ST6GALNAC3: variants seen among roughly 807,000 people sequenced by gnomAD.
ST6GALNAC3 encodes the protein alpha-N-acetylgalactosaminide alpha-2,6-sialyltransferase 3.
Under a neutral mutation model 32.7 loss-of-function variants are expected in ST6GALNAC3, and 25 were observed. The observed-to-expected ratio is 0.76, with a 90% CI of 0.56 to 1.07. The LOEUF (loss-of-function observed/expected upper bound fraction) is 1.07. ST6GALNAC3 is among the 50% of genes least tolerant of loss of function. ST6GALNAC3 has a pLI of 0.00. For synonymous variants in ST6GALNAC3, 129 were observed against 133.1 expected (o/e 0.97, Z 0.21); for missense variants, 355 against 382.4 (o/e 0.93, Z 0.60).
intron 2 of ST6GALNAC3, among the ~76,000 whole-genome samples, chr1:76,395,039 C>CT (rs1652843057): frequency 6.6e-6 from 1 of 152,144 alleles, no homozygotes. Context: ...TTAAAGTCCT[C>CT]TTTTTTCATC....
At chr1:76,439,001 G>A (rs568343013) in intron 3 of ST6GALNAC3, among the ~76,000 whole-genome samples, 5 of 152,180 alleles carry the variant, frequency 3.3e-5, no homozygotes, top group Non-Finnish European at 7.3e-5. Context: ...TTGGAAGTGA[G>A]AAAAGTGATG....
intron 3 of ST6GALNAC3, among the ~76,000 whole-genome samples, chr1:76,596,455 T>C (rs984204834): frequency 4.6e-5 from 7 of 152,192 alleles, no homozygotes; most frequent in African/African-American, 1.7e-4. Context: ...AAAAAAGATA[T>C]AAAGTGTAGT....
At chr1:76,359,160 C>T (rs1396031539) in intron 2 of ST6GALNAC3, among the ~76,000 whole-genome samples, 1 of 152,064 alleles carries the variant, frequency 6.6e-6, no homozygotes, top group Non-Finnish European at 1.5e-5. Context: ...TGGATATTAT[C>T]CTGAAGACAG....
At chr1:76,202,203 G>A (rs72675909) in intron 1 of ST6GALNAC3, among the ~76,000 whole-genome samples, 12,712 of 151,694 alleles carry the variant, frequency 0.084, 585 homozygotes, top group African/African-American at 0.12. Flanking sequence ...GGAGAGCAGA[G>A]GAAAGCATTG....
rs1461013650 is a variant in ST6GALNAC3, at chr1:76,634,036, T to A, written c.*5230T>A. 2.3e-6 allele frequency: 1 copy of A among 444,072 alleles called. No homozygotes were observed. Among genetic ancestry groups the A allele is most frequent in the Non-Finnish European group, 3.0e-6 (1 of 335,690 alleles). 27.5% of individuals were successfully genotyped at this position (444,072 alleles called of 1,614,324 possible). A position where few individuals can be genotyped will look rare whatever the true frequency, so the allele number is the denominator to read the frequency against. On this transcript the variant is annotated 3_prime_UTR_variant, in exon 5 of 5. Coordinates refer to ENST00000328299, the MANE Select transcript of ST6GALNAC3 (RefSeq NM_152996.4). Reference sequence around the variant, plus strand: ...AACAGTGCAGAAAATCTCATTTAGTTTTTTTCTTTTTTTTTTTCAGTTAAC... The same window carrying A: ...AACAGTGCAGAAAATCTCATTTAGTATTTTTCTTTTTTTTTTTCAGTTAAC...
intron 3 of ST6GALNAC3, among the ~76,000 whole-genome samples, chr1:76,546,950 G>A (rs775582197): frequency 2.6e-5 from 4 of 152,160 alleles, no homozygotes; most frequent in Admixed American, 6.6e-5. Context: ...GGAAGGATGC[G>A]GATGAAAGAT....
At chr1:76,338,582 T>G (rs1647696171) in intron 2 of ST6GALNAC3, among the ~76,000 whole-genome samples, 2 of 152,112 alleles carry the variant, frequency 1.3e-5, no homozygotes. Context: ...CATGGGATAT[T>G]TATAGATGTC....
At chr1:76,097,011 C>T (rs1359355776) in intron 1 of ST6GALNAC3, among the ~76,000 whole-genome samples, 9 of 151,624 alleles carry the variant, frequency 5.9e-5, no homozygotes, top group Non-Finnish European at 1.2e-4. Flanking sequence ...CTCCGCCTCG[C>T]GGGTTCAAGC....
At chr1:76,233,544 T>C (rs981184621) in intron 1 of ST6GALNAC3, among the ~76,000 whole-genome samples, 36 of 152,188 alleles carry the variant, frequency 2.4e-4, no homozygotes, top group African/African-American at 6.8e-4. Context: ...ACTGGTATGG[T>C]TGGACAGTTT....
At chr1:76,592,240 A>G (rs1049212040) in intron 3 of ST6GALNAC3, among the ~76,000 whole-genome samples, 3 of 152,204 alleles carry the variant, frequency 2.0e-5, no homozygotes, top group African/African-American at 7.2e-5. Flanking sequence ...ATACTTGTCC[A>G]GAACAGAGAT....
At chr1:76,625,364 T>C (rs1334384572) in intron 3 of ST6GALNAC3, among the ~76,000 whole-genome samples, 2 of 151,784 alleles carry the variant, frequency 1.3e-5, no homozygotes, top group Non-Finnish European at 2.9e-5. Flanking sequence ...CCTCATCATA[T>C]AGAAACAAAC....
At chr1:76,512,601 G>C (rs1661933929) in intron 3 of ST6GALNAC3, among the ~76,000 whole-genome samples, 1 of 151,994 alleles carries the variant, frequency 6.6e-6, no homozygotes, top group African/African-American at 2.4e-5. Flanking sequence ...CTAGATATTT[G>C]GTAATACACA....
intron 1 of ST6GALNAC3, among the ~76,000 whole-genome samples, chr1:76,274,769 C>G (rs1414487): frequency 0.14 from 22,035 of 152,092 alleles, 2,851 homozygotes; most frequent in African/African-American, 0.33. Context: ...AGGGTACTCT[C>G]TTATCATTTT....
At chr1:76,470,023 T>G (rs1658910529) in intron 3 of ST6GALNAC3, among the ~76,000 whole-genome samples, 2 of 152,110 alleles carry the variant, frequency 1.3e-5, no homozygotes, top group Non-Finnish European at 2.9e-5. Context: ...ATAAATATCA[T>G]TAGTATTATG....
intron 2 of ST6GALNAC3, among the ~76,000 whole-genome samples, 197 bp from the exon 3 acceptor site, chr1:76,411,811 A>C (rs1654257255): frequency 6.6e-6 from 1 of 152,124 alleles, no homozygotes; most frequent in Non-Finnish European, 1.5e-5. Context: ...TTGACGGTAT[A>C]CTTTTTCTTT....
chr1:76,157,454 A>G (rs1651528122), intron 1 of ST6GALNAC3, among the ~76,000 whole-genome samples: 1 of 152,224 alleles, frequency 6.6e-6, no homozygotes, highest in African/African-American at 2.4e-5. Flanking sequence ...CCCATGGAAA[A>G]TAGCCTCGTC....
chr1:76,181,988 T>C (rs1296228722), intron 1 of ST6GALNAC3, among the ~76,000 whole-genome samples: 2 of 152,188 alleles, frequency 1.3e-5, no homozygotes, highest in African/African-American at 2.4e-5. Context: ...ATATCTACAA[T>C]GAGCACTGAG....
At chr1:76,600,613 C>A (rs1033693925) in intron 3 of ST6GALNAC3, among the ~76,000 whole-genome samples, 1 of 152,146 alleles carries the variant, frequency 6.6e-6, no homozygotes, top group Non-Finnish European at 1.5e-5. Flanking sequence ...TCTATTCCAA[C>A]CCTGTGGTTA....
At chr1:76,190,584 G>T (rs1207796522) in intron 1 of ST6GALNAC3, among the ~76,000 whole-genome samples, 1 of 152,134 alleles carries the variant, frequency 6.6e-6, no homozygotes, top group East Asian at 1.9e-4. Flanking sequence ...CTTGCCTGTG[G>T]CTCACATGGG....
Sources: allele counts gnomAD v4.1 joint callset (sites outside exome capture counted in the v4.1 genomes callset), GRCh38; gene constraint gnomAD v4.1.1; transcripts MANE v1.5; gene names NCBI Gene and HGNC (gene_info 2026-07-23, HGNC 2026-07-21).